The following CLVS1 variants were observed in gnomAD, a reference collection of about 807,000 sequenced individuals.
The protein encoded by CLVS1 is clavesin-1.
Under a neutral mutation model 33.1 loss-of-function variants are expected in CLVS1, and 10 were observed. That is an observed-to-expected ratio of 0.30 (90% CI 0.19 to 0.51). The LOEUF (loss-of-function observed/expected upper bound fraction) is 0.51, where lower values mean the gene tolerates loss of function less well. Among genes scored for constraint, CLVS1 ranks in the 20% least tolerant of loss-of-function variants. CLVS1 has a pLI of 0.97. For missense variants in CLVS1, 343 were observed against 433.4 expected (o/e 0.79, Z 1.85); for synonymous variants, 163 against 166.1 (o/e 0.98, Z 0.14).
At chr8:61,251,151 T>TC (rs1808938158) in intron 2 of CLVS1, among the ~76,000 whole-genome samples, 2 of 152,244 alleles carry the variant, frequency 1.3e-5, no homozygotes, top group Non-Finnish European at 2.9e-5. Context: ...TCTAAGGCCT[T>TC]TTCTGCATCT....
At chr8:61,252,720 T>G (rs1402754210) in intron 2 of CLVS1, among the ~76,000 whole-genome samples, 1 of 152,234 alleles carries the variant, frequency 6.6e-6, no homozygotes, top group Non-Finnish European at 1.5e-5. Context: ...GCCTGTTTTA[T>G]CAGAGATTAC....
At chr8:61,387,757 A>C (rs919834467) in intron 3 of CLVS1, among the ~76,000 whole-genome samples, 8 of 152,128 alleles carry the variant, frequency 5.3e-5, no homozygotes, top group African/African-American at 1.9e-4. Context: ...GAGTTAGTTC[A>C]CTTAGAATAA....
intron 3 of CLVS1, among the ~76,000 whole-genome samples, chr8:61,378,971 G>T (rs1813759426): frequency 6.6e-6 from 1 of 152,122 alleles, no homozygotes; most frequent in South Asian, 2.1e-4. Context: ...GTGTCCATTT[G>T]TTAGCCACAA....
chr8:61,067,024 A>AT (rs1804695397), intron 1 of CLVS1, among the ~76,000 whole-genome samples: 1 of 149,956 alleles, frequency 6.7e-6, no homozygotes, highest in South Asian at 2.2e-4. Context: ...GGAGCCATAA[A>AT]TGGGGGGGGA....
chr8:61,171,350 GA>G (rs1378639915), intron 2 of CLVS1, among the ~76,000 whole-genome samples: 4 of 152,044 alleles, frequency 2.6e-5, no homozygotes, highest in Non-Finnish European at 4.4e-5. Flanking sequence ...AATTTAAGTG[GA>G]TTTTTTTTCT....
chr8:61,479,132 C>T (rs922398901), intron 5 of CLVS1, among the ~76,000 whole-genome samples: 12 of 152,080 alleles, frequency 7.9e-5, no homozygotes, highest in Admixed American at 4.6e-4. Context: ...TGGCCTGCCT[C>T]GCTATATTGC....
intron 3 of CLVS1, among the ~76,000 whole-genome samples, chr8:61,397,158 G>A (rs1814558936): frequency 6.6e-6 from 1 of 152,060 alleles, no homozygotes; most frequent in Non-Finnish European, 1.5e-5. Context: ...CACCAACAAT[G>A]TGTGAGAGCT....
At chr8:61,089,102 A>G (rs745872517) in intron 1 of CLVS1, among the ~76,000 whole-genome samples, 35 of 152,156 alleles carry the variant, frequency 2.3e-4, no homozygotes, top group Non-Finnish European at 3.7e-4. Context: ...GGCCCGGCCT[A>G]GACTTTTAAA....
At chr8:61,387,499 G>C in intron 3 of CLVS1, among the ~76,000 whole-genome samples, 1 of 102,912 alleles carries the variant, frequency 9.7e-6, no homozygotes, top group Middle Eastern at 5.7e-3. Flanking sequence ...AATTTCAATA[G>C]GTTTTTGGGG....
intron 3 of CLVS1, among the ~76,000 whole-genome samples, chr8:61,384,504 G>A (rs746864878): frequency 1.6e-4 from 24 of 152,278 alleles, no homozygotes; most frequent in East Asian, 5.8e-4. Flanking sequence ...GGTTGGCTGC[G>A]TGGGAAGTGG....
At chr8:61,423,248 T>C (rs1815753068) in intron 3 of CLVS1, among the ~76,000 whole-genome samples, 1 of 152,230 alleles carries the variant, frequency 6.6e-6, no homozygotes, top group African/African-American at 2.4e-5. Context: ...TAGTGCCTCA[T>C]GTAATCCTGA....
rs540845744 is a variant in CLVS1 at position 61,252,890 on chromosome 8, C to A, written c.-151-46787C>A. Among the ~76,000 whole-genome samples, 11 of 152,292 alleles carry A rather than the reference C, an allele frequency of 7.2e-5. 1 individual carries two copies. In the South Asian group the frequency reaches 1.2e-3, roughly 17 times the overall value. On this transcript the variant is annotated intron_variant, in intron 2 of 2. Transcript: ENST00000522621. ...CTTTATCCAATTTGCCAGTCTGTAT[C>A]TTTTAACTGGGGCATTTTATCACAT...
At chr8:61,345,496 AG>A (rs113245875) in intron 2 of CLVS1, among the ~76,000 whole-genome samples, 2,428 of 152,276 alleles carry the variant, frequency 0.016, 17 homozygotes, top group African/African-American at 0.02. Flanking sequence ...ATGGGTGCTC[AG>A]GAGCAGAAGC....
At chr8:60,985,248 C>T in the CLVS1 span, among the ~76,000 whole-genome samples, 43 of 152,224 alleles carry the variant, frequency 2.8e-4, no homozygotes, top group Non-Finnish European at 6.0e-4. Flanking sequence ...ATGGGGCTTT[C>T]AATCCGCTGT....
Position 61,331,969 on chromosome 8 carries a change from C to T in CLVS1, c.455+31687C>T, listed in dbSNP as rs556479082. On this transcript the variant is annotated intron_variant, in intron 2 of 5. Transcript: ENST00000325897. ...CCTTGGATGGGGTGCACTAAAATTC[C>T]GTGTGGAAGTTCTGTCCGCATGTGA... Among the ~76,000 whole-genome samples, 6 of 152,178 alleles carry T rather than the reference C, an allele frequency of 3.9e-5. No homozygotes were observed. The East Asian group carries it at 5.8e-4, about 15-fold the overall frequency.
intron 1 of CLVS1, among the ~76,000 whole-genome samples, chr8:61,078,059 T>G (rs1804956666): frequency 6.6e-6 from 1 of 152,172 alleles, no homozygotes; most frequent in Non-Finnish European, 1.5e-5. Flanking sequence ...AGCGCTGATC[T>G]GAAGTTTTAA....
At chr8:61,091,731 A>G (rs977565954) in intron 1 of CLVS1, among the ~76,000 whole-genome samples, 1 of 152,226 alleles carries the variant, frequency 6.6e-6, no homozygotes, top group African/African-American at 2.4e-5. Context: ...CCTACTAAAT[A>G]AAAAACCTCT....
At chr8:61,251,294 G>T (rs57381079) in intron 2 of CLVS1, among the ~76,000 whole-genome samples, 1 of 152,160 alleles carries the variant, frequency 6.6e-6, no homozygotes, top group East Asian at 1.9e-4. Flanking sequence ...AGTTTTTGAT[G>T]TACCGCTGGA....
At chr8:61,469,861 T>C (rs1430271390) in intron 5 of CLVS1, among the ~76,000 whole-genome samples, 1 of 152,204 alleles carries the variant, frequency 6.6e-6, no homozygotes, top group Non-Finnish European at 1.5e-5. Context: ...GTCTCCACTG[T>C]CCTCTAAATT....
Sources: gnomAD v4.1 joint callset for allele counts (sites outside exome capture counted in the v4.1 genomes callset) on GRCh38, gnomAD v4.1.1 for gene constraint, MANE v1.5 for transcripts, NCBI Gene and HGNC (gene_info 2026-07-23, HGNC 2026-07-21) for gene names.